The following GABARAPL2 variants were observed in gnomAD, a reference collection of about 807,000 sequenced individuals.
GABARAPL2 encodes the protein GABA type A receptor associated protein like 2, also known as gamma-aminobutyric acid receptor-associated protein-like 2.
Under a neutral mutation model 16.9 loss-of-function variants are expected in GABARAPL2, and 11 were observed. That is an observed-to-expected ratio of 0.65 (90% confidence interval 0.41 to 1.08). GABARAPL2 has a LOEUF of 1.08. Ranked by LOEUF, GABARAPL2 falls within the 50% of genes least tolerant of loss-of-function variation. The pLI, the probability that GABARAPL2 is intolerant of heterozygous loss-of-function variation, is 0.00. For missense variants in GABARAPL2, 134 were observed against 142.5 expected, an observed-to-expected ratio of 0.94 and a Z score of 0.30; for synonymous variants, 57 against 50.7, an observed-to-expected ratio of 1.12 and a Z score of -0.53.
chr16:75,574,777 A>G (rs1283293411), intron 3 of GABARAPL2, among the ~76,000 whole-genome samples: 1 of 35,618 alleles, frequency 2.8e-5, no homozygotes, highest in Admixed American at 3.7e-4. Flanking sequence ...ATTTAAAAAT[A>G]TACTGATGAG....
At chr16:75,572,607 T>C (rs1395078281) in intron 3 of GABARAPL2, 2 of 152,318 alleles carry the variant, frequency 1.3e-5, no homozygotes, top group African/African-American at 4.8e-5. Flanking sequence ...CCTTTTTTTA[T>C]TGCACAGTTT....
chr16:75,573,109 C>A (rs2080926076), intron 3 of GABARAPL2, among the ~76,000 whole-genome samples: 1 of 152,188 alleles, frequency 6.6e-6, no homozygotes, highest in South Asian at 2.1e-4. Context: ...CTCAGGCCTC[C>A]AAATTCTGAG....
Position 75,577,326 on chromosome 16 carries a change from T to G in GABARAPL2, c.311T>G (p.Phe104Cys). The change falls in exon 4 of 4, where the codon TTC (phenylalanine) becomes TGC (cysteine). Residue 104 changes from phenylalanine to cysteine, a missense_variant. Transcript: ENST00000037243. ...GAGAAGGAAAAAGATGAAGATGGATTCTTATATGTGGCCTACAGCGGAGAG... is the reference window on the plus strand; with the variant it reads ...GAGAAGGAAAAAGATGAAGATGGATGCTTATATGTGGCCTACAGCGGAGAG... ...LYEKEKDEDG[F>C]LYVAYSGENT... 1 of 1,613,076 alleles carries G rather than the reference T, an allele frequency of 6.2e-7. No individual in the cohort carries two copies. Among genetic ancestry groups the G allele is most frequent in the Non-Finnish European group, 8.5e-7 (1 of 1,179,026 alleles).
intron 1 of GABARAPL2, 39 bp from the exon 2 acceptor site, chr16:75,566,813 G>A (rs752189385): frequency 1.3e-6 from 2 of 1,592,074 alleles, no homozygotes; most frequent in Non-Finnish European, 1.7e-6. Flanking sequence ...CCGACCGGTG[G>A]GCAGGCGCGG....
At chr16:75,576,898 G>A (rs1024280195) in intron 3 of GABARAPL2, 55 of 170,422 alleles carry the variant, frequency 3.2e-4, no homozygotes, top group African/African-American at 1.3e-3. Flanking sequence ...GAGATTCCAT[G>A]AGAATGAACC....
At chr16:75,573,190 C>G (rs1438263391) in intron 3 of GABARAPL2, among the ~76,000 whole-genome samples, 1 of 152,242 alleles carries the variant, frequency 6.6e-6, no homozygotes, top group Non-Finnish European at 1.5e-5. Flanking sequence ...TGCTAATAGA[C>G]TCTCTGCTAG....
intron 3 of GABARAPL2, among the ~76,000 whole-genome samples, chr16:75,568,769 A>G (rs549088296): frequency 9.6e-4 from 147 of 152,338 alleles, no homozygotes; most frequent in African/African-American, 3.4e-3. Flanking sequence ...CTGTCAGACT[A>G]TTGTGCTGCC....
chr16:75,568,023 C>T lies in GABARAPL2; in HGVS notation c.91-14C>T. 6.3e-7 allele frequency: 1 copy of T among 1,592,456 alleles called. No homozygotes were observed. Among genetic ancestry groups the T allele is most frequent in the Non-Finnish European group, 8.6e-7 (1 of 1,163,174 alleles). On this transcript the variant is annotated splice_polypyrimidine_tract_variant and intron_variant, in intron 2 of 3. Transcript: ENST00000037243. ...TTTAGGAAACACAGTCCTGACCTCT[C>T]TTTACTTTCCCAGGTGATTGTGGAA... is the stretch of plus-strand genomic sequence containing the variant.
At chr16:75,567,540 T>C (rs138045339) in intron 2 of GABARAPL2, among the ~76,000 whole-genome samples, 30 of 152,122 alleles carry the variant, frequency 2.0e-4, no homozygotes, top group Admixed American at 4.6e-4. Flanking sequence ...GGGAAAGGAG[T>C]AGGAGGGACG....
intron 3 of GABARAPL2, among the ~76,000 whole-genome samples, chr16:75,568,939 G>T (rs1011313458): frequency 1.3e-5 from 2 of 152,310 alleles, no homozygotes; most frequent in Admixed American, 1.3e-4. Context: ...TCCCGTTACT[G>T]AGTGGGTAGT....
chr16:75,574,842 T>C (rs1448875353), intron 3 of GABARAPL2, among the ~76,000 whole-genome samples: 1 of 151,004 alleles, frequency 6.6e-6, no homozygotes, highest in African/African-American at 2.4e-5. Flanking sequence ...CTGGCCAACA[T>C]GGTGAAATCC....
In GABARAPL2 at chr16:75,566,412, C is replaced by T. The variant is rs925451809; in HGVS notation, c.-75C>T. On this transcript the variant is annotated 5_prime_UTR_variant, in exon 1 of 4. Coordinates refer to ENST00000037243, the MANE Select transcript of GABARAPL2 (RefSeq NM_007285.7). ...CCGTCGCTGCCGCTGCCGCTGCCGC[C>T]GTCGTTGTTGTTGTGCTCGGTGCGC... The T allele has an allele frequency of 5.9e-5, 67 of 1,132,122 alleles. No homozygotes were observed. The highest frequency in any genetic ancestry group is 1.3e-4 in the East Asian group (5 of 37,054). The allele number at this position is 1,132,122 out of a possible 1,614,324, so 70.1% of individuals were successfully genotyped here.
At chr16:75,571,083 T>C (rs1286786067) in intron 3 of GABARAPL2, among the ~76,000 whole-genome samples, 4 of 152,220 alleles carry the variant, frequency 2.6e-5, no homozygotes, top group African/African-American at 9.7e-5. Context: ...TAAGATATTA[T>C]TTTTTATTGT....
At position 75,566,555 on chromosome 16, in the gene GABARAPL2, C is replaced by A. The variant is rs762230744; in HGVS notation, c.34+35C>A. ...TGGTCGTCGGCCCGGCTGCTGGGGGCTGGGGCGGCGGGTGGGCCCCCTCCC... is the reference window on the plus strand; with the variant it reads ...TGGTCGTCGGCCCGGCTGCTGGGGGATGGGGCGGCGGGTGGGCCCCCTCCC... On this transcript the variant is annotated intron_variant, in intron 1 of 3. Transcript: ENST00000037243. The A allele has an allele frequency of 2.5e-6, 4 of 1,603,786 alleles. No individual in the cohort carries two copies. In the Admixed American group the frequency reaches 5.0e-5, roughly 20 times the overall value.
chr16:75,574,878 A>AACAAAT (rs1328811910), intron 3 of GABARAPL2, among the ~76,000 whole-genome samples: 1 of 126,818 alleles, frequency 7.9e-6, no homozygotes, highest in African/African-American at 3.2e-5. Flanking sequence ...CAAAAACAAA[A>AACAAAT]ACAAATTAGC....
chr16:75,566,847 C>T lies in GABARAPL2; in HGVS notation c.35-5C>T. 2.5e-6 allele frequency: 4 copies of T among 1,612,922 alleles called. No individual in the cohort carries two copies. The highest frequency in any genetic ancestry group is 2.5e-6 in the Non-Finnish European group (3 of 1,179,702). ...GGCCGTCAGCCCCGTTTGTTTCTCC[C>T]ACAGAACACAGATGCGTGGAGTCCG... On this transcript the variant is annotated splice_polypyrimidine_tract_variant and splice_region_variant and intron_variant, in intron 1 of 3. Coordinates refer to ENST00000037243, the MANE Select transcript of GABARAPL2 (RefSeq NM_007285.7).
At chr16:75,572,792 C>T (rs1418324358) in intron 3 of GABARAPL2, 1 of 152,258 alleles carries the variant, frequency 6.6e-6, no homozygotes, top group East Asian at 1.9e-4. Flanking sequence ...CTTTCTTTGC[C>T]AGACTCAGAG....
In GABARAPL2 at chr16:75,566,428, C is replaced by G; in HGVS notation, c.-59C>G. On this transcript the variant is annotated 5_prime_UTR_variant, in exon 1 of 4. Coordinates refer to ENST00000037243, the MANE Select transcript of GABARAPL2 (RefSeq NM_007285.7). ...CGCTGCCGCCGTCGTTGTTGTTGTG[C>G]TCGGTGCGCTGAGCTCCGCGGCTCC... 1 of 1,318,242 alleles carries G rather than the reference C, an allele frequency of 7.6e-7. No homozygotes were observed. The highest frequency in any genetic ancestry group is 1.1e-6 in the Non-Finnish European group (1 of 926,350). 81.7% of individuals were successfully genotyped at this position (1,318,242 alleles called of 1,614,324 possible). A position where few individuals can be genotyped will look rare whatever the true frequency, so the allele number is the denominator to read the frequency against.
chr16:75,577,406 T>C lies in GABARAPL2; in HGVS notation c.*37T>C, dbSNP rs1457790638. 2 of 1,218,068 alleles carry C rather than the reference T, an allele frequency of 1.6e-6. No homozygotes were observed. Among genetic ancestry groups the C allele is most frequent in the Non-Finnish European group, 2.4e-6 (2 of 818,106 alleles). The allele number at this position is 1,218,068 out of a possible 1,614,324, so 75.5% of individuals were successfully genotyped here. On this transcript the variant is annotated 3_prime_UTR_variant, in exon 4 of 4. Coordinates refer to ENST00000037243, the MANE Select transcript of GABARAPL2 (RefSeq NM_007285.7). Reference sequence around the variant, plus strand: ...GGGCTAGGTGCACCGTAACTGCTTGTGTATCTTGTAAATAGCCAGCCATTT... The same window carrying C: ...GGGCTAGGTGCACCGTAACTGCTTGCGTATCTTGTAAATAGCCAGCCATTT...
Sources: allele counts gnomAD v4.1 joint callset (sites outside exome capture counted in the v4.1 genomes callset), GRCh38; gene constraint gnomAD v4.1.1; transcripts MANE v1.5; gene names NCBI Gene and HGNC (gene_info 2026-07-23, HGNC 2026-07-21).